Variants in LOC400499 observed in about 807,000 individuals in gnomAD.
At chr16:11,489,618 G>A in the LOC400499 span, among the ~76,000 whole-genome samples, 1 of 152,122 alleles carries the variant, frequency 6.6e-6, no homozygotes, top group Non-Finnish European at 1.5e-5. Flanking sequence ...GCAGAATGTG[G>A]GTTTTTAGGG....
chr16:11,380,353 G>A, the LOC400499 span, among the ~76,000 whole-genome samples: 8 of 151,610 alleles, frequency 5.3e-5, no homozygotes, highest in East Asian at 1.9e-4. Flanking sequence ...GACACAAGGC[G>A]GGCAGATCAC....
the LOC400499 span, among the ~76,000 whole-genome samples, chr16:11,432,127 C>T: frequency 6.6e-6 from 1 of 152,164 alleles, no homozygotes; most frequent in African/African-American, 2.4e-5. Flanking sequence ...CCTGGACTTC[C>T]CAGTCCACCC....
the LOC400499 span, chr16:11,478,737 T>C: frequency 5.0e-6 from 2 of 398,732 alleles, no homozygotes; most frequent in Non-Finnish European, 8.8e-6. Flanking sequence ...GTTAGCAGAG[T>C]GATATGGTTT....
At chr16:11,496,924 G>A in the LOC400499 span, among the ~76,000 whole-genome samples, 3 of 99,486 alleles carry the variant, frequency 3.0e-5, no homozygotes, top group African/African-American at 1.2e-4. Flanking sequence ...GTGTGTGTGT[G>A]TGTGTGTGTC....
the LOC400499 span, among the ~76,000 whole-genome samples, chr16:11,427,956 C>G: frequency 6.6e-6 from 1 of 152,094 alleles, no homozygotes; most frequent in African/African-American, 2.4e-5. Context: ...GGAAAGGGGT[C>G]CGGATCCAGA....
the LOC400499 span, chr16:11,398,609 G>A: frequency 1.7e-4 from 161 of 937,104 alleles, no homozygotes; most frequent in African/African-American, 1.9e-3. Flanking sequence ...GCATGTGCCA[G>A]GAATGTGCCG....
chr16:11,445,510 G>A, the LOC400499 span, among the ~76,000 whole-genome samples: 2 of 152,154 alleles, frequency 1.3e-5, no homozygotes, highest in Admixed American at 1.3e-4. Context: ...GTGAGAGGAT[G>A]CTTGAGCTCA....
chr16:11,375,375 G>T, the LOC400499 span, among the ~76,000 whole-genome samples: 5 of 137,518 alleles, frequency 3.6e-5, no homozygotes, highest in African/African-American at 1.2e-4. Context: ...GTGCAGTGGC[G>T]GGACCTCAGC....
the LOC400499 span, among the ~76,000 whole-genome samples, chr16:11,381,998 A>G: frequency 6.6e-6 from 1 of 151,360 alleles, no homozygotes; most frequent in Non-Finnish European, 1.5e-5. Context: ...GCTGGAGTGC[A>G]GTGGCGCAAT....
the LOC400499 span, among the ~76,000 whole-genome samples, chr16:11,438,598 C>CCACCTCTAATTTTTTTTAT: frequency 7.5e-6 from 1 of 133,358 alleles, no homozygotes; most frequent in Non-Finnish European, 1.5e-5. Flanking sequence ...TAGCGAGACC[C>CCACCTCTAATTTTTTTTAT]TGTCTCTGCA....
At chr16:11,493,772 C>G in the LOC400499 span, 3 of 390,700 alleles carry the variant, frequency 7.7e-6, no homozygotes, top group Admixed American at 9.2e-5. Flanking sequence ...CCCGCGTTGC[C>G]GACTGCCTTC....
the LOC400499 span, chr16:11,487,150 A>T: frequency 2.5e-6 from 1 of 397,576 alleles, no homozygotes; most frequent in Non-Finnish European, 4.4e-6. Flanking sequence ...AGGGGAGGAG[A>T]TTGAACAATG....
the LOC400499 span, among the ~76,000 whole-genome samples, chr16:11,487,808 A>C: frequency 7.9e-5 from 12 of 152,218 alleles, no homozygotes; most frequent in Non-Finnish European, 1.8e-4. Flanking sequence ...CACAGAATCC[A>C]GGAGAATTTA....
the LOC400499 span, among the ~76,000 whole-genome samples, chr16:11,520,570 C>T: frequency 1.2e-3 from 182 of 150,078 alleles, no homozygotes; most frequent in Non-Finnish European, 2.2e-3. Context: ...AGGAGGCTGA[C>T]GCAGGAGAAT....
chr16:11,453,133 C>T, the LOC400499 span, among the ~76,000 whole-genome samples: 78 of 152,250 alleles, frequency 5.1e-4, no homozygotes, highest in Non-Finnish European at 8.8e-4. Flanking sequence ...AAGAGGTGGC[C>T]AAGTGTGGAA....
chr16:11,468,688 C>T, the LOC400499 span, among the ~76,000 whole-genome samples: 2 of 152,134 alleles, frequency 1.3e-5, no homozygotes. Flanking sequence ...AATGCAGTGG[C>T]ATGATCTCAG....
the LOC400499 span, chr16:11,411,454 C>T: frequency 5.0e-6 from 2 of 397,256 alleles, no homozygotes; most frequent in Non-Finnish European, 8.9e-6. Flanking sequence ...ACATCAGTGG[C>T]CCAGTTCAGG....
At chr16:11,419,127 C>A in the LOC400499 span, among the ~76,000 whole-genome samples, 1 of 152,168 alleles carries the variant, frequency 6.6e-6, no homozygotes, top group Non-Finnish European at 1.5e-5. Flanking sequence ...GATCACACTA[C>A]TGTACTCCAG....
At chr16:11,514,944 G>A in the LOC400499 span, among the ~76,000 whole-genome samples, 1 of 152,272 alleles carries the variant, frequency 6.6e-6, no homozygotes, top group South Asian at 2.1e-4. Flanking sequence ...TCCTGCAGAT[G>A]TTTGGTATTT....
Sources: gnomAD v4.1 joint callset for allele counts (sites outside exome capture counted in the v4.1 genomes callset) on GRCh38, gnomAD v4.1.1 for gene constraint, MANE v1.5 for transcripts.